Variants in NUB1 observed in about 807,000 individuals in gnomAD.
NUB1 encodes NEDD8 ultimate buster 1.
NUB1 carries 41 observed loss-of-function variants against 77.1 expected under a neutral mutation model. That is an observed-to-expected ratio of 0.53 (90% CI 0.41 to 0.69). NUB1 has a LOEUF of 0.69. NUB1 is among the 30% of genes least tolerant of loss of function. The probability of loss-of-function intolerance (pLI) is 0.00; values close to 1 mark genes in which losing one functional copy is unlikely to be tolerated. For synonymous variants in NUB1, 257 were observed against 281.0 expected, an observed-to-expected ratio of 0.91 and a Z score of 0.85; for missense variants, 643 against 743.8, an observed-to-expected ratio of 0.86 and a Z score of 1.58.
intron 3 of NUB1, 33 bp from the exon 4 acceptor site, chr7:151,351,391 C>G (rs1484009814): frequency 1.3e-6 from 2 of 1,510,990 alleles, no homozygotes; most frequent in South Asian, 2.3e-5. Context: ...GGGTTAAATT[C>G]AAGTACGTTT....
chr7:151,366,531 GAA>G (rs1797692406), intron 8 of NUB1, among the ~76,000 whole-genome samples: 2 of 152,078 alleles, frequency 1.3e-5, no homozygotes, highest in Non-Finnish European at 2.9e-5. Context: ...AAGAAAGAAA[GAA>G]AGAAAGAAAG....
intron 7 of NUB1, among the ~76,000 whole-genome samples, chr7:151,357,605 A>T (rs1350446912): frequency 7.1e-6 from 1 of 140,428 alleles, no homozygotes; most frequent in Non-Finnish European, 1.5e-5. Flanking sequence ...ATTAAAGATT[A>T]AAGTTTTTTT....
At chr7:151,347,976 C>T (rs2150664759) in intron 2 of NUB1, among the ~76,000 whole-genome samples, 1 of 152,234 alleles carries the variant, frequency 6.6e-6, no homozygotes, top group South Asian at 2.1e-4. Context: ...AGAGGAGTAT[C>T]CCGTAACTGA....
In NUB1 at chr7:151,345,397, G is replaced by A. The variant is rs1796455886; in HGVS notation, c.48G>A (p.Arg16=). The A allele has an allele frequency of 5.0e-6, 8 of 1,612,502 alleles. No individual in the cohort carries two copies. The highest frequency in any genetic ancestry group is 2.7e-5 in the African/African-American group (2 of 74,834). The change falls in exon 2 of 15, where the codon AGG becomes AGA. Residue 16 remains arginine, a synonymous_variant. Transcript: ENST00000568733. ...YLQAKLTQFL[R]EDRIQLWKPP... ...AAGCAAAATTGACCCAGTTTTTAAG[G>A]GAAGACAGGATTCAACTTTGGAAAC...
chr7:151,374,253 C>G lies in NUB1; in HGVS notation c.1395+10C>G, dbSNP rs1304415696. The G allele has an allele frequency of 5.8e-6, 9 of 1,551,762 alleles. No homozygotes were observed. Among genetic ancestry groups the G allele is most frequent in the African/African-American group, 1.4e-5 (1 of 73,074 alleles). ...GGATGAGGCCCTGAAGGTAGCAGCT[C>G]CCTCGGGGCCTCTGGCCTTGTCCCT... On this transcript the variant is annotated intron_variant, in intron 12 of 14. Coordinates refer to ENST00000568733, the MANE Select transcript of NUB1 (RefSeq NM_001243351.2).
At chr7:151,353,734 GCA>G (rs1796932026) in intron 5 of NUB1, among the ~76,000 whole-genome samples, 1 of 152,206 alleles carries the variant, frequency 6.6e-6, no homozygotes, top group Non-Finnish European at 1.5e-5. Flanking sequence ...GTTAGCTACT[GCA>G]GCCATCCATA....
chr7:151,374,446 C>G (rs1798113908), intron 12 of NUB1: 1 of 670,274 alleles, frequency 1.5e-6, no homozygotes, highest in Admixed American at 2.5e-5. Flanking sequence ...AGTGCTTGGC[C>G]CAGGCCTGGC....
At chr7:151,354,925 TG>T (rs1796991957) in intron 5 of NUB1, among the ~76,000 whole-genome samples, 1 of 152,216 alleles carries the variant, frequency 6.6e-6, no homozygotes, top group Non-Finnish European at 1.5e-5. Flanking sequence ...TTTTATTTTC[TG>T]TGGAGACGGG....
rs557385623 is a variant in NUB1, at chr7:151,377,780, G to C, written c.*555G>C. On this transcript the variant is annotated 3_prime_UTR_variant, in exon 15 of 15. Coordinates refer to ENST00000568733, the MANE Select transcript of NUB1 (RefSeq NM_001243351.2). ...TAACGATGAGGCGCTGGCCTTGGGGGCCACACCAGGTCGCAGCAAATGGCT... is the reference window on the plus strand; with the variant it reads ...TAACGATGAGGCGCTGGCCTTGGGGCCCACACCAGGTCGCAGCAAATGGCT... 2.0e-5 allele frequency: 3 copies of C among 152,286 alleles called. No homozygotes were observed. The highest frequency in any genetic ancestry group is 4.4e-5 in the Non-Finnish European group (3 of 68,086). The allele number at this position is 152,286 out of a possible 1,614,324, so 9.4% of individuals were successfully genotyped here.
At chr7:151,342,797 T>G (rs925813795) in intron 1 of NUB1, among the ~76,000 whole-genome samples, 1 of 152,214 alleles carries the variant, frequency 6.6e-6, no homozygotes, top group Non-Finnish European at 1.5e-5. Context: ...TTCGTCCTTC[T>G]GTCAAGTGGT....
Position 151,352,950 on chromosome 7 carries a change from T to TC in NUB1, c.415+69dup, listed in dbSNP as rs1796888517. On this transcript the variant is annotated intron_variant, in intron 5 of 14. Transcript: ENST00000568733. ...ATAGAAATAATGACTTCCCTTTTTT[T>TC]CTCAATGTCTTTTCAAAAATTTGTA... is the stretch of plus-strand genomic sequence containing the variant. 4 of 835,264 alleles carry TC rather than the reference T, an allele frequency of 4.8e-6. No individual in the cohort carries two copies. The South Asian group carries it at 5.0e-5, about 10-fold the overall frequency. 51.7% of individuals were successfully genotyped at this position (835,264 alleles called of 1,614,324 possible).
At chr7:151,364,149 G>A (rs886914859) in intron 8 of NUB1, among the ~76,000 whole-genome samples, 6 of 150,490 alleles carry the variant, frequency 4.0e-5, no homozygotes, top group African/African-American at 1.5e-4. Flanking sequence ...CTGGCCGGGC[G>A]CGGTGGCTCA....
chr7:151,344,779 C>T (rs536800320), intron 1 of NUB1, among the ~76,000 whole-genome samples: 20 of 152,042 alleles, frequency 1.3e-4, no homozygotes, highest in Admixed American at 4.6e-4. Context: ...GTGGGTGGAT[C>T]ACTTGAGGTC....
chr7:151,344,903 T>G lies in NUB1; in HGVS notation c.-2-445T>G, dbSNP rs193047159. Among the ~76,000 whole-genome samples, 578 of 152,122 alleles carry G rather than the reference T, an allele frequency of 3.8e-3. 2 individuals carry two copies. Among genetic ancestry groups the G allele is most frequent in the Middle Eastern group, 0.027 (8 of 294 alleles). ...TAATCCCAGTGAGTAGGGAGGCTGA[T>G]GCAGGGGAATTGCTTGAACCCAGGG... is the stretch of plus-strand genomic sequence containing the variant. On this transcript the variant is annotated intron_variant, in intron 1 of 14. Coordinates refer to ENST00000568733, the MANE Select transcript of NUB1 (RefSeq NM_001243351.2).
At chr7:151,351,210 G>A in intron 3 of NUB1, 1 of 542,556 alleles carries the variant, frequency 1.8e-6, no homozygotes, top group South Asian at 2.2e-5. Context: ...AGCCCTGCCT[G>A]GTGGTGCCAC....
At chr7:151,355,690 C>T in intron 5 of NUB1, 78 bp from the exon 6 acceptor site, 2 of 1,355,056 alleles carry the variant, frequency 1.5e-6, no homozygotes, top group Non-Finnish European at 2.0e-6. Context: ...AAAACAATTC[C>T]ATTTAACATA....
chr7:151,366,579 T>A (rs1797696472), intron 8 of NUB1, among the ~76,000 whole-genome samples: 1 of 152,134 alleles, frequency 6.6e-6, no homozygotes, highest in South Asian at 2.1e-4. Context: ...TGATTTGCAG[T>A]CAGGATTGGA....
chr7:151,356,091 C>T lies in NUB1; in HGVS notation c.599-37C>T, dbSNP rs1176216725. On this transcript the variant is annotated intron_variant, in intron 6 of 14. Transcript: ENST00000568733. ...GGCTGTCATCATCATAACTGTTTAA[C>T]ATTGAGTTCATGGAGGTCCTTTTGG... 3 of 1,576,354 alleles carry T rather than the reference C, an allele frequency of 1.9e-6. No individual in the cohort carries two copies. In the South Asian group the frequency reaches 3.3e-5, roughly 17 times the overall value.
intron 8 of NUB1, among the ~76,000 whole-genome samples, chr7:151,364,373 A>C (rs1278046658): frequency 1.3e-5 from 2 of 148,664 alleles, no homozygotes; most frequent in Non-Finnish European, 3.0e-5. Context: ...GTGAGCCGAG[A>C]TTGCACCACT....
Sources: gnomAD v4.1 joint callset for allele counts (sites outside exome capture counted in the v4.1 genomes callset) on GRCh38, gnomAD v4.1.1 for gene constraint, MANE v1.5 for transcripts, NCBI Gene and HGNC (gene_info 2026-07-23, HGNC 2026-07-21) for gene names.